COG5: variants seen among roughly 807,000 people sequenced by gnomAD.
The protein encoded by COG5 is conserved oligomeric Golgi complex subunit 5.
In COG5, 86 loss-of-function variants were observed where a neutral mutation model predicts 110.4. The observed-to-expected ratio is 0.78, with a 90% CI of 0.65 to 0.93. COG5 has a LOEUF of 0.93. Ranked by LOEUF, COG5 falls within the 40% of genes least tolerant of loss-of-function variation. The probability of loss-of-function intolerance (pLI) is 0.00; values close to 1 mark genes in which losing one functional copy is unlikely to be tolerated. For missense variants in COG5, 1,077 were observed against 987.0 expected, an observed-to-expected ratio of 1.09 and a Z score of -1.22; for synonymous variants, 360 against 334.6, an observed-to-expected ratio of 1.08 and a Z score of -0.83.
At chr7:107,286,945 T>A (rs772044378) in intron 12 of COG5, among the ~76,000 whole-genome samples, 4 of 152,198 alleles carry the variant, frequency 2.6e-5, no homozygotes, top group African/African-American at 9.7e-5. Context: ...GAAAAAGATA[T>A]GTCAGCATAA....
intron 7 of COG5, among the ~76,000 whole-genome samples, chr7:107,374,440 G>A (rs1387080672): frequency 6.6e-6 from 1 of 151,938 alleles, no homozygotes; most frequent in Non-Finnish European, 1.5e-5. Flanking sequence ...ATTATCAGAG[G>A]ATCTGAAAAG....
At chr7:107,549,868 C>T (rs1383420891) in intron 3 of COG5, among the ~76,000 whole-genome samples, 2 of 152,098 alleles carry the variant, frequency 1.3e-5, no homozygotes, top group African/African-American at 4.8e-5. Context: ...CATTCAGTCC[C>T]AAAGTTTTAA....
intron 6 of COG5, among the ~76,000 whole-genome samples, chr7:107,511,741 A>G (rs1799532450): frequency 1.3e-5 from 2 of 152,246 alleles, no homozygotes; most frequent in Non-Finnish European, 2.9e-5. Flanking sequence ...CTGGTTTAAC[A>G]TATGAAAATC....
intron 6 of COG5, among the ~76,000 whole-genome samples, chr7:107,513,621 CA>C (rs1160855037): frequency 1.3e-5 from 2 of 152,170 alleles, no homozygotes; most frequent in East Asian, 3.8e-4. Context: ...TGGCACTATT[CA>C]CAATAGCAAA....
intron 14 of COG5, among the ~76,000 whole-genome samples, chr7:107,269,223 C>G (rs574399815): frequency 6.6e-6 from 1 of 152,256 alleles, no homozygotes; most frequent in African/African-American, 2.4e-5. Flanking sequence ...CGCCTGTAAT[C>G]CCAGCACTTT....
chr7:107,326,540 C>T (rs1562969678), intron 10 of COG5, among the ~76,000 whole-genome samples: 1 of 151,994 alleles, frequency 6.6e-6, no homozygotes. Flanking sequence ...AAGAAAACTA[C>T]CCTACTTTTA....
At chr7:107,385,465 T>C (rs73187360) in intron 7 of COG5, among the ~76,000 whole-genome samples, 13,368 of 152,250 alleles carry the variant, frequency 0.088, 872 homozygotes, top group African/African-American at 0.18. Flanking sequence ...CAAGTGTCCA[T>C]TGATGGATGA....
At chr7:107,325,936 T>C (rs67674952) in intron 10 of COG5, among the ~76,000 whole-genome samples, 14,456 of 152,158 alleles carry the variant, frequency 0.095, 1,051 homozygotes, top group African/African-American at 0.21. Context: ...GATCAGAAAA[T>C]ACATTCAGAT....
intron 11 of COG5, among the ~76,000 whole-genome samples, chr7:107,301,881 A>C (rs1416783474): frequency 6.6e-6 from 1 of 152,142 alleles, no homozygotes; most frequent in Non-Finnish European, 1.5e-5. Flanking sequence ...AAAAAAAATG[A>C]CCATATCAAA....
chr7:107,305,943 G>A (rs551652888), intron 11 of COG5, among the ~76,000 whole-genome samples: 22 of 152,206 alleles, frequency 1.4e-4, no homozygotes, highest in African/African-American at 5.3e-4. Flanking sequence ...CTATATTTAA[G>A]AAGAAAAGAT....
chr7:107,434,762 A>T (rs1354566774), intron 6 of COG5, among the ~76,000 whole-genome samples: 1 of 152,118 alleles, frequency 6.6e-6, no homozygotes, highest in Non-Finnish European at 1.5e-5. Flanking sequence ...CTAGGTCAGG[A>T]GATCAAGACC....
intron 6 of COG5, among the ~76,000 whole-genome samples, chr7:107,484,225 T>G (rs549776301): frequency 9.2e-5 from 14 of 152,130 alleles, no homozygotes; most frequent in East Asian, 7.7e-4. Context: ...AAGATGACTT[T>G]AAGAATTTTA....
intron 6 of COG5, among the ~76,000 whole-genome samples, chr7:107,430,711 C>G (rs1793971765): frequency 6.6e-6 from 1 of 152,224 alleles, no homozygotes; most frequent in Non-Finnish European, 1.5e-5. Context: ...GTGCTGCCAT[C>G]TGTGCTAGGC....
At chr7:107,335,372 A>C (rs1174396673) in intron 10 of COG5, among the ~76,000 whole-genome samples, 5 of 152,222 alleles carry the variant, frequency 3.3e-5, no homozygotes, top group Non-Finnish European at 7.3e-5. Flanking sequence ...CCTGGGCTAC[A>C]GAGCAAGACT....
intron 12 of COG5, among the ~76,000 whole-genome samples, chr7:107,292,820 A>C (rs1255089143): frequency 6.6e-6 from 1 of 152,186 alleles, no homozygotes; most frequent in Non-Finnish European, 1.5e-5. Flanking sequence ...GAAGGTCTTC[A>C]AGACTCAGAA....
At chr7:107,370,502 T>A (rs930525409) in intron 8 of COG5, among the ~76,000 whole-genome samples, 1 of 151,884 alleles carries the variant, frequency 6.6e-6, no homozygotes, top group Non-Finnish European at 1.5e-5. Flanking sequence ...TATAAAATAA[T>A]TGGCTGGGCG....
At chr7:107,367,615 A>T (rs1023080226) in intron 8 of COG5, among the ~76,000 whole-genome samples, 1 of 152,092 alleles carries the variant, frequency 6.6e-6, no homozygotes, top group African/African-American at 2.4e-5. Context: ...ATAAAAAAGA[A>T]TGAAATAATA....
chr7:107,350,005 T>C (rs1372265358), intron 10 of COG5, among the ~76,000 whole-genome samples: 2 of 152,192 alleles, frequency 1.3e-5, no homozygotes, highest in African/African-American at 4.8e-5. Flanking sequence ...ATTTTACCTG[T>C]TCGTTTTTCT....
intron 19 of COG5, among the ~76,000 whole-genome samples, chr7:107,218,069 TC>T (rs1487460563): frequency 6.6e-6 from 1 of 151,676 alleles, no homozygotes; most frequent in African/African-American, 2.4e-5. Flanking sequence ...GAAAAGGAAA[TC>T]AAGAAAATAC....
Sources: gnomAD v4.1 joint callset for allele counts (sites outside exome capture counted in the v4.1 genomes callset) on GRCh38, gnomAD v4.1.1 for gene constraint, MANE v1.5 for transcripts, NCBI Gene and HGNC (gene_info 2026-07-23, HGNC 2026-07-21) for gene names.